Variants in DLGAP2 observed in about 807,000 individuals in gnomAD.
DLGAP2 encodes the protein disks large-associated protein 2.
Under a neutral mutation model 100.3 loss-of-function variants are expected in DLGAP2, and 26 were observed. The observed-to-expected ratio is 0.26, with a 90% CI of 0.19 to 0.36. DLGAP2 has a LOEUF of 0.36. Ranked by LOEUF, DLGAP2 falls within the 10% of genes least tolerant of loss-of-function variation. DLGAP2 has a pLI of 1.00. For missense variants in DLGAP2, 1,858 were observed against 1,453.2 expected (o/e 1.28, Z -4.53); for synonymous variants, 886 against 630.1 (o/e 1.41, Z -6.08).
intron 2 of DLGAP2, among the ~76,000 whole-genome samples, chr8:1,191,295 C>T (rs1184732363): frequency 2.6e-5 from 4 of 151,566 alleles, no homozygotes; most frequent in Admixed American, 6.6e-5. Context: ...CTCAGCCTCC[C>T]GAGTAGCTGG....
In DLGAP2 at chr8:795,798, A is replaced by G. The variant is rs76396435; in HGVS notation, c.18+57973A>G. ...CAGTGAGAGCAGGCGTCCGGTGAGA[A>G]CAGGCGTCCGGTGAGAGCAGGCGTC... On this transcript the variant is annotated intron_variant, in intron 1 of 14. Coordinates refer to ENST00000637795, the MANE Select transcript of DLGAP2 (RefSeq NM_001346810.2). Among the ~76,000 whole-genome samples the G allele has an allele frequency of 4.1e-3, 237 of 57,912 alleles. 31 individuals carry two copies. Among genetic ancestry groups the G allele is most frequent in the Admixed American group, 5.6e-3 (25 of 4,494 alleles). 38.0% of individuals were successfully genotyped at this position (57,912 alleles called of 152,430 possible).
At chr8:995,711 C>G (rs1800765685) in intron 2 of DLGAP2, among the ~76,000 whole-genome samples, 1 of 152,196 alleles carries the variant, frequency 6.6e-6, no homozygotes, top group African/African-American at 2.4e-5. Flanking sequence ...CAAGCAGCAA[C>G]TGTTTCAGTT....
At chr8:1,322,253 T>A (rs1427012100) in intron 3 of DLGAP2, among the ~76,000 whole-genome samples, 1 of 152,256 alleles carries the variant, frequency 6.6e-6, no homozygotes, top group East Asian at 1.9e-4. Flanking sequence ...ATTTCATATT[T>A]TCCAAAAATA....
intron 1 of DLGAP2, among the ~76,000 whole-genome samples, chr8:754,803 G>T (rs181871909): frequency 9.9e-5 from 15 of 152,274 alleles, no homozygotes; most frequent in African/African-American, 2.9e-4. Flanking sequence ...ACACGCCACT[G>T]CACTCCAGCT....
intron 3 of DLGAP2, among the ~76,000 whole-genome samples, chr8:1,380,508 G>T (rs1428219402): frequency 6.6e-6 from 1 of 151,750 alleles, no homozygotes; most frequent in Non-Finnish European, 1.5e-5. Flanking sequence ...CAAAAGACTT[G>T]TGATAAGCGA....
chr8:1,298,664 G>T (rs1425064020), intron 3 of DLGAP2, among the ~76,000 whole-genome samples: 2 of 152,134 alleles, frequency 1.3e-5, no homozygotes. Context: ...CAGGCACCTC[G>T]GCCATGGTAG....
intron 2 of DLGAP2, among the ~76,000 whole-genome samples, chr8:1,033,772 C>T (rs1374443102): frequency 2.1e-5 from 3 of 145,916 alleles, no homozygotes; most frequent in Admixed American, 6.8e-5. Flanking sequence ...CGTGTCACCG[C>T]GAGTGGGTTC....
At chr8:1,597,833 C>G (rs1044701405) in intron 6 of DLGAP2, among the ~76,000 whole-genome samples, 5 of 152,190 alleles carry the variant, frequency 3.3e-5, no homozygotes, top group African/African-American at 1.2e-4. Context: ...ATTTGACTTT[C>G]TCTTTTCCTA....
intron 4 of DLGAP2, among the ~76,000 whole-genome samples, chr8:1,519,144 A>G (rs1388399127): frequency 6.6e-6 from 1 of 152,168 alleles, no homozygotes; most frequent in African/African-American, 2.4e-5. Flanking sequence ...GTCAGAAGGG[A>G]AGAATATTTC....
intron 2 of DLGAP2, among the ~76,000 whole-genome samples, chr8:1,007,444 A>C (rs1368756309): frequency 6.6e-6 from 1 of 152,222 alleles, no homozygotes; most frequent in African/African-American, 2.4e-5. Context: ...CCATTTTACC[A>C]AGCCCTTCAG....
At chr8:1,178,873 C>G (rs1001767996) in intron 2 of DLGAP2, among the ~76,000 whole-genome samples, 1 of 152,200 alleles carries the variant, frequency 6.6e-6, no homozygotes, top group South Asian at 2.1e-4. Context: ...TGCAACTGCT[C>G]TTTCAGTTAG....
intron 3 of DLGAP2, among the ~76,000 whole-genome samples, chr8:1,383,587 G>A (rs1796143390): frequency 6.6e-6 from 1 of 152,158 alleles, no homozygotes; most frequent in Non-Finnish European, 1.5e-5. Flanking sequence ...TGTATTTTTG[G>A]GGAGGCTCAA....
At chr8:1,309,604 A>C (rs941146107) in intron 3 of DLGAP2, among the ~76,000 whole-genome samples, 1 of 152,218 alleles carries the variant, frequency 6.6e-6, no homozygotes, top group African/African-American at 2.4e-5. Flanking sequence ...AGATTGACAT[A>C]AAAGGACAGC....
chr8:1,637,333 C>G (rs1797790262), intron 8 of DLGAP2, among the ~76,000 whole-genome samples: 1 of 152,050 alleles, frequency 6.6e-6, no homozygotes. Flanking sequence ...AATCTGAAAA[C>G]CAGAAGATTC....
Position 1,708,174 on chromosome 8 carries a change from G to A in DLGAP2, c.*6768G>A, listed in dbSNP as rs1245423511. The A allele has an allele frequency of 1.3e-5, 2 of 151,986 alleles. No individual in the cohort carries two copies. Among genetic ancestry groups the A allele is most frequent in the Admixed American group, 6.6e-5 (1 of 15,258 alleles). 9.4% of individuals were successfully genotyped at this position (151,986 alleles called of 1,614,324 possible). A position where few individuals can be genotyped will look rare whatever the true frequency, so the allele number is the denominator to read the frequency against. On this transcript the variant is annotated 3_prime_UTR_variant, in exon 15 of 15. Transcript: ENST00000637795. The stretch of plus-strand genomic sequence containing the variant: ...GATGCCTCCATTTGACTTCTGTATC[G>A]CTGATGTTCACCTCCTGTAAATAGT...
At chr8:1,421,628 A>C (rs1009338859) in intron 3 of DLGAP2, among the ~76,000 whole-genome samples, 1 of 152,222 alleles carries the variant, frequency 6.6e-6, no homozygotes, top group Middle Eastern at 3.2e-3. Context: ...ATGAAAATAG[A>C]GATTAGTGAT....
At chr8:1,413,307 A>C (rs1796787244) in intron 3 of DLGAP2, among the ~76,000 whole-genome samples, 1 of 152,244 alleles carries the variant, frequency 6.6e-6, no homozygotes, top group Non-Finnish European at 1.5e-5. Flanking sequence ...AGAATGAATA[A>C]ATGGATAGAT....
intron 10 of DLGAP2, among the ~76,000 whole-genome samples, 188 bp downstream of exon 10, chr8:1,669,972 C>T (rs550070158): frequency 1.6e-4 from 24 of 152,282 alleles, no homozygotes; most frequent in African/African-American, 5.8e-4. Context: ...AACCTGCCTG[C>T]AGCCCTGGGC....
At chr8:1,444,722 G>T (rs538193613) in intron 3 of DLGAP2, among the ~76,000 whole-genome samples, 2 of 147,190 alleles carry the variant, frequency 1.4e-5, no homozygotes, top group Middle Eastern at 3.6e-3. Context: ...GCTTACTCCT[G>T]TAGTAGGCAT....
Sources: gnomAD v4.1 joint callset for allele counts (sites outside exome capture counted in the v4.1 genomes callset) on GRCh38, gnomAD v4.1.1 for gene constraint, MANE v1.5 for transcripts, NCBI Gene and HGNC (gene_info 2026-07-23, HGNC 2026-07-21) for gene names.